Variants in PTPRD observed in about 807,000 individuals in gnomAD.
The protein encoded by PTPRD is receptor-type tyrosine-protein phosphatase delta.
A neutral mutation model predicts 214.5 loss-of-function variants in PTPRD; 34 were observed. The ratio of observed to expected loss-of-function variants is 0.16; its 90% CI spans 0.12 to 0.21. PTPRD has a LOEUF of 0.21. Among genes scored for constraint, PTPRD ranks in the 10% least tolerant of loss-of-function variants. The probability of loss-of-function intolerance (pLI) is 1.00; values close to 1 mark genes in which losing one functional copy is unlikely to be tolerated. For synonymous variants in PTPRD, 1,128 were observed against 845.7 expected (o/e 1.33, Z -5.79); for missense variants, 2,545 against 2,398.7 (o/e 1.06, Z -1.27).
chr9:9,678,427 C>A (rs201729592), intron 7 of PTPRD, among the ~76,000 whole-genome samples: 1 of 151,840 alleles, frequency 6.6e-6, no homozygotes, highest in South Asian at 2.1e-4. Context: ...TATCTACAAC[C>A]ATCTGATCTT....
chr9:10,019,097 C>T (rs1461720324), intron 4 of PTPRD, among the ~76,000 whole-genome samples: 1 of 151,990 alleles, frequency 6.6e-6, no homozygotes, highest in Non-Finnish European at 1.5e-5. Flanking sequence ...ACAAACAACC[C>T]CATCAAAAAG....
At chr9:8,530,064 T>TC (rs1486928060) in intron 14 of PTPRD, among the ~76,000 whole-genome samples, 3 of 152,036 alleles carry the variant, frequency 2.0e-5, no homozygotes, top group Admixed American at 2.0e-4. Context: ...ATATCGCTTC[T>TC]CCTTGGGTGC....
At chr9:10,099,608 A>G (rs2098531229) in intron 3 of PTPRD, among the ~76,000 whole-genome samples, 1 of 151,802 alleles carries the variant, frequency 6.6e-6, no homozygotes, top group Non-Finnish European at 1.5e-5. Flanking sequence ...TTTCATATTA[A>G]TTATTATGCT....
At chr9:10,578,220 T>G (rs118055126) in intron 2 of PTPRD, among the ~76,000 whole-genome samples, 4,631 of 152,158 alleles carry the variant, frequency 0.03, 122 homozygotes, top group East Asian at 0.095. Context: ...CATTACAAGG[T>G]ATTTCACTGA....
intron 3 of PTPRD, among the ~76,000 whole-genome samples, chr9:10,084,937 A>T (rs2098308143): frequency 6.6e-6 from 1 of 151,946 alleles, no homozygotes; most frequent in Non-Finnish European, 1.5e-5. Context: ...GTAGATAAAA[A>T]CACACAGGAT....
At chr9:8,484,617 C>CATATATATCTAT (rs67034142) in intron 29 of PTPRD, among the ~76,000 whole-genome samples, 38 of 147,712 alleles carry the variant, frequency 2.6e-4, no homozygotes, top group African/African-American at 3.8e-4. Context: ...TAGATATATA[C>CATATATATCTAT]ATATATATAT....
chr9:8,905,028 A>G lies in PTPRD; in HGVS notation c.-104+113669T>C, dbSNP rs537239232. Among the ~76,000 whole-genome samples, 120 of 152,358 alleles carry G rather than the reference A, an allele frequency of 7.9e-4. 3 individuals carry two copies. In the South Asian group the frequency reaches 0.02, roughly 25 times the overall value. On this transcript the variant is annotated intron_variant, in intron 11 of 45. Coordinates refer to ENST00000381196, the MANE Select transcript of PTPRD (RefSeq NM_002839.4). ...GCCAGAGTTAGAAGAAAAACACTTC[A>G]AGATTTAAATGACACAAATGATTAG...
intron 3 of PTPRD, among the ~76,000 whole-genome samples, chr9:10,242,635 A>G (rs2091316756): frequency 6.8e-6 from 1 of 146,982 alleles, no homozygotes; most frequent in Non-Finnish European, 1.5e-5. Context: ...ATTTTTGACT[A>G]ACATGGTGTA....
At chr9:9,716,096 A>G (rs1451908711) in intron 7 of PTPRD, among the ~76,000 whole-genome samples, 1 of 151,546 alleles carries the variant, frequency 6.6e-6, no homozygotes, top group Non-Finnish European at 1.5e-5. Flanking sequence ...GAGTGAGAAT[A>G]TGCGGTGTTT....
At position 9,164,968 on chromosome 9, in the gene PTPRD, G is replaced by A. The variant is rs148327900; in HGVS notation, c.-143+18336C>T. Among the ~76,000 whole-genome samples the A allele has an allele frequency of 3.7e-4, 56 of 150,320 alleles. 1 individual carries two copies. The highest frequency in any genetic ancestry group is 1.2e-3 in the African/African-American group (51 of 40,920). On this transcript the variant is annotated intron_variant, in intron 10 of 45. Coordinates refer to ENST00000381196, the MANE Select transcript of PTPRD (RefSeq NM_002839.4). ...CTTGGGAGGCTGACGTAGGAGAATC[G>A]CTTAACCCAAGAGGCAGAGGTTGCA... is the stretch of plus-strand genomic sequence containing the variant.
At chr9:10,360,853 A>T (rs1415302768) in intron 2 of PTPRD, among the ~76,000 whole-genome samples, 2 of 152,206 alleles carry the variant, frequency 1.3e-5, no homozygotes, top group Non-Finnish European at 2.9e-5. Context: ...CTGTAATCCC[A>T]GCACTTTGGG....
chr9:9,946,967 T>C (rs2092647183), intron 4 of PTPRD, among the ~76,000 whole-genome samples: 1 of 151,842 alleles, frequency 6.6e-6, no homozygotes, highest in Non-Finnish European at 1.5e-5. Flanking sequence ...TATATTAAAA[T>C]CCTGATTTTG....
intron 5 of PTPRD, among the ~76,000 whole-genome samples, chr9:9,780,134 A>G (rs1429726769): frequency 1.3e-5 from 2 of 152,224 alleles, no homozygotes; most frequent in African/African-American, 4.8e-5. Flanking sequence ...GCTGGAGACC[A>G]TAATCCTGAG....
At chr9:9,689,283 T>C (rs931098716) in intron 7 of PTPRD, among the ~76,000 whole-genome samples, 1 of 151,864 alleles carries the variant, frequency 6.6e-6, no homozygotes, top group African/African-American at 2.4e-5. Context: ...TGGTAACATC[T>C]TCAAAAGTTC....
chr9:10,173,045 C>T (rs961966723), intron 3 of PTPRD, among the ~76,000 whole-genome samples: 1 of 152,102 alleles, frequency 6.6e-6, no homozygotes, highest in African/African-American at 2.4e-5. Flanking sequence ...TATTAATTAC[C>T]TAACAAATAA....
chr9:8,860,955 A>G (rs1374039563), intron 11 of PTPRD: 3 of 152,216 alleles, frequency 2.0e-5, no homozygotes, highest in Admixed American at 6.5e-5. Context: ...AGCAATACAT[A>G]TAGAATATTT....
At chr9:8,432,402 T>C (rs766960634) in intron 35 of PTPRD, among the ~76,000 whole-genome samples, 3 of 152,188 alleles carry the variant, frequency 2.0e-5, no homozygotes, top group Non-Finnish European at 4.4e-5. Context: ...AAGTGTCTCA[T>C]AGGATCTAAT....
chr9:10,036,091 G>C lies in PTPRD; in HGVS notation c.-544-2301C>G, dbSNP rs1334563013. Among the ~76,000 whole-genome samples the C allele has an allele frequency of 2.0e-5, 3 of 152,210 alleles. No homozygotes were observed. The East Asian group carries it at 5.8e-4, about 29-fold the overall frequency. The stretch of plus-strand genomic sequence containing the variant: ...ATTGGTATCTGGCAGTATACCCACT[G>C]ATACTTATACTGCATATCTTCCAAA... On this transcript the variant is annotated intron_variant, in intron 3 of 45. Coordinates refer to ENST00000381196, the MANE Select transcript of PTPRD (RefSeq NM_002839.4).
At chr9:10,045,885 A>G (rs2097381288) in intron 3 of PTPRD, among the ~76,000 whole-genome samples, 1 of 151,746 alleles carries the variant, frequency 6.6e-6, no homozygotes. Context: ...AAGAATCACA[A>G]TTGTATGATA....
Sources: gnomAD v4.1 joint callset for allele counts (sites outside exome capture counted in the v4.1 genomes callset) on GRCh38, gnomAD v4.1.1 for gene constraint, MANE v1.5 for transcripts, NCBI Gene and HGNC (gene_info 2026-07-23, HGNC 2026-07-21) for gene names.